TBC1D30: variants seen among roughly 807,000 people sequenced by gnomAD.
TBC1D30 encodes the protein TBC1 domain family member 30.
In TBC1D30, 31 loss-of-function variants were observed where a neutral mutation model predicts 63.2. The ratio of observed to expected loss-of-function variants is 0.49; its 90% CI spans 0.37 to 0.66. The LOEUF (loss-of-function observed/expected upper bound fraction) is 0.66. TBC1D30 is among the 30% of genes least tolerant of loss of function. The pLI is 0.00. For missense variants in TBC1D30, 810 were observed against 953.6 expected, an observed-to-expected ratio of 0.85 and a Z score of 1.98; for synonymous variants, 307 against 361.5, an observed-to-expected ratio of 0.85 and a Z score of 1.71.
At chr12:64,812,891 TA>T (rs944346293) in intron 2 of TBC1D30, among the ~76,000 whole-genome samples, 4 of 152,034 alleles carry the variant, frequency 2.6e-5, no homozygotes, top group African/African-American at 7.2e-5. Flanking sequence ...AGTAACATGT[TA>T]AAAAAAATCA....
intron 1 of TBC1D30, among the ~76,000 whole-genome samples, chr12:64,766,531 A>T (rs1365269400): frequency 6.6e-6 from 1 of 152,204 alleles, no homozygotes; most frequent in East Asian, 1.9e-4. Flanking sequence ...GACCTAACAA[A>T]GTACCAAAAT....
intron 8 of TBC1D30, among the ~76,000 whole-genome samples, chr12:64,850,319 A>G (rs1243797394): frequency 6.6e-6 from 1 of 152,170 alleles, no homozygotes; most frequent in African/African-American, 2.4e-5. Flanking sequence ...GTTGAATAGG[A>G]GTGATGAGAG....
In TBC1D30 at chr12:64,795,292, G is replaced by T. The variant is rs1003993529; in HGVS notation, c.643+9247G>T. On this transcript the variant is annotated intron_variant, in intron 2 of 12. Coordinates refer to the TBC1D30 transcript ENST00000542120. ...TCTGGCTGCTGGTATTTTGGGAGCC[G>T]AGTGGGGTGAAGAGAGCTGGGAGTC... Among the ~76,000 whole-genome samples, 9 of 152,292 alleles carry T rather than the reference G, an allele frequency of 5.9e-5. No individual in the cohort carries two copies. In the East Asian group the frequency reaches 1.3e-3, roughly 23 times the overall value.
chr12:64,780,694 C>A (rs1029511733), exon 1 of TBC1D30: 1 of 947,454 alleles, frequency 1.1e-6, no homozygotes, highest in Non-Finnish European at 1.3e-6. Context: ...AGCCCGCTGG[C>A]GCCGCGCCCG....
chr12:64,878,722 G>A lies in TBC1D30; in HGVS notation c.*2934G>A. ...CCTTCTTCCTTCACCCCCAACCCCA[G>A]ACCCCCCTTGGTCACATGAACCAGG... On this transcript the variant is annotated 3_prime_UTR_variant, in exon 12 of 12. Coordinates refer to ENST00000539867, the MANE Select transcript of TBC1D30 (RefSeq NM_015279.2). The A allele has an allele frequency of 2.8e-6, 1 of 359,080 alleles. No homozygotes were observed. The highest frequency in any genetic ancestry group is 5.5e-6 in the Non-Finnish European group (1 of 181,806). 22.2% of individuals were successfully genotyped at this position (359,080 alleles called of 1,614,324 possible). A position where few individuals can be genotyped will look rare whatever the true frequency, so the allele number is the denominator to read the frequency against.
At chr12:64,836,387 G>A (rs908259244) in intron 5 of TBC1D30, 103 bp from the exon 6 acceptor site, 2 of 903,948 alleles carry the variant, frequency 2.2e-6, no homozygotes, top group African/African-American at 1.7e-5. Context: ...AGCGTGCTTT[G>A]GCTAACAGCG....
At chr12:64,863,342 C>A (rs1276578214) in intron 8 of TBC1D30, among the ~76,000 whole-genome samples, 1 of 152,130 alleles carries the variant, frequency 6.6e-6, no homozygotes, top group South Asian at 2.1e-4. Flanking sequence ...AGGTGGGGAA[C>A]TGGTTTAATT....
intron 8 of TBC1D30, among the ~76,000 whole-genome samples, chr12:64,846,393 G>C (rs1387109903): frequency 1.3e-5 from 2 of 149,078 alleles, no homozygotes; most frequent in African/African-American, 5.0e-5. Flanking sequence ...AAGAGATAGG[G>C]GTCTAGTTTT....
intron 2 of TBC1D30, among the ~76,000 whole-genome samples, chr12:64,807,038 T>A: frequency 6.6e-6 from 1 of 150,894 alleles, no homozygotes; most frequent in Admixed American, 6.6e-5. Flanking sequence ...AGAGAGAGAG[T>A]GAGCTGGTTT....
intron 10 of TBC1D30, among the ~76,000 whole-genome samples, chr12:64,869,651 A>C (rs1878501449): frequency 6.6e-6 from 1 of 151,192 alleles, no homozygotes; most frequent in South Asian, 2.1e-4. Flanking sequence ...CTTTCTGTGC[A>C]TTTTTGTGCT....
chr12:64,875,017 C>T lies in TBC1D30; in HGVS notation c.1515C>T (p.Thr505=). ...TTCTTTCAGACAAAGGGCCAGTGAC[C>T]AGCATTCTCCCGTCTCAGGTAAACA... is the stretch of plus-strand genomic sequence containing the variant. ...VYIRADKGPV[T]SILPSQVNSS... The change falls in exon 12 of 12, where the codon ACC becomes ACT. Residue 505 remains threonine (T), a synonymous_variant. Transcript: ENST00000539867. The T allele has an allele frequency of 2.6e-6, 4 of 1,536,112 alleles. No individual in the cohort carries two copies. Among genetic ancestry groups the T allele is most frequent in the Non-Finnish European group, 3.5e-6 (4 of 1,146,632 alleles).
At chr12:64,805,702 G>A (rs1017162953) in intron 2 of TBC1D30, among the ~76,000 whole-genome samples, 10 of 151,954 alleles carry the variant, frequency 6.6e-5, no homozygotes, top group Non-Finnish European at 1.3e-4. Flanking sequence ...GCGTGGTGGC[G>A]GGCACCTGTA....
At chr12:64,835,048 G>T (rs902182594) in intron 5 of TBC1D30, among the ~76,000 whole-genome samples, 1 of 151,970 alleles carries the variant, frequency 6.6e-6, no homozygotes, top group Non-Finnish European at 1.5e-5. Flanking sequence ...AGAGTGCTAG[G>T]TTCCTGCAAG....
Position 64,875,146 on chromosome 12 carries a change from A to G in TBC1D30, c.1644A>G (p.Lys548=). The G allele has an allele frequency of 2.6e-6, 4 of 1,536,382 alleles. No homozygotes were observed. The highest frequency in any genetic ancestry group is 2.4e-5 in the South Asian group (2 of 84,064). Residue 548 remains lysine, a synonymous_variant, in exon 12 of 12, where the codon AAA becomes AAG. Transcript: ENST00000539867. ...ACATCCCTGGTCACACAGGAGGGAA[A>G]ATATCTCCTGTCCCCTACGAAGACC... ...VIHIPGHTGG[K]ISPVPYEDLK... is the part of the protein sequence containing the mutation.
intron 8 of TBC1D30, among the ~76,000 whole-genome samples, chr12:64,859,555 C>G (rs1434451819): frequency 1.3e-5 from 2 of 152,102 alleles, no homozygotes; most frequent in Non-Finnish European, 2.9e-5. Context: ...CAGATTGGAA[C>G]AGAGACAGTA....
At chr12:64,856,444 C>T (rs756549217) in intron 8 of TBC1D30, among the ~76,000 whole-genome samples, 4 of 152,232 alleles carry the variant, frequency 2.6e-5, no homozygotes, top group Admixed American at 6.5e-5. Context: ...GTAGAGGTAC[C>T]CACCTTGGTG....
chr12:64,761,112 A>G (rs1008643931), intron 1 of TBC1D30, among the ~76,000 whole-genome samples: 1 of 152,266 alleles, frequency 6.6e-6, no homozygotes, highest in Non-Finnish European at 1.5e-5. Context: ...ACTTGGTTAC[A>G]GCCTTGGCCT....
chr12:64,788,900 T>C (rs1871753090), intron 2 of TBC1D30, among the ~76,000 whole-genome samples: 1 of 152,218 alleles, frequency 6.6e-6, no homozygotes, highest in Admixed American at 6.5e-5. Context: ...TTTGACTACA[T>C]GGTTATTTAC....
chr12:64,818,011 C>T (rs561123291), intron 2 of TBC1D30, among the ~76,000 whole-genome samples: 100 of 150,546 alleles, frequency 6.6e-4, no homozygotes, highest in East Asian at 2.5e-3. Context: ...TGCAGTGAGC[C>T]GACATCCCTC....
Sources: allele counts gnomAD v4.1 joint callset (sites outside exome capture counted in the v4.1 genomes callset), GRCh38; gene constraint gnomAD v4.1.1; transcripts MANE v1.5; gene names NCBI Gene and HGNC (gene_info 2026-07-23, HGNC 2026-07-21).